ZNF407: variants seen among roughly 807,000 people sequenced by gnomAD.
ZNF407 encodes the protein zinc finger protein 407.
A neutral mutation model predicts 131.2 loss-of-function variants in ZNF407; 17 were observed. That is an observed-to-expected ratio of 0.13 (90% CI 0.09 to 0.19). The LOEUF is 0.19. Ranked by LOEUF, ZNF407 falls within the 10% of genes least tolerant of loss-of-function variation. The pLI is 1.00. For missense variants in ZNF407, 2,681 were observed against 2,830.6 expected, an observed-to-expected ratio of 0.95 and a Z score of 1.20; for synonymous variants, 1,156 against 1,062.0, an observed-to-expected ratio of 1.09 and a Z score of -1.72.
At chr18:74,638,299 C>G (rs76417533) in intron 2 of ZNF407, among the ~76,000 whole-genome samples, 201 of 152,334 alleles carry the variant, frequency 1.3e-3, no homozygotes, top group African/African-American at 4.7e-3. Context: ...ACATTGTTCA[C>G]TGCTTCATCT....
rs554582555 is a variant in ZNF407 at position 74,672,380 on chromosome 18, CTG to C, written c.4802+31260_4802+31261del. ...TGAAATGTGTCTGTTCGTTGGAGCA[CTG>C]TTTGTTCATTGGAGCAGTGTTTGTT... On this transcript the variant is annotated intron_variant, in intron 3 of 8. Coordinates refer to ENST00000299687, the MANE Select transcript of ZNF407 (RefSeq NM_017757.3). 8.5e-5 allele frequency among the ~76,000 whole-genome samples: 13 copies of C among 152,130 alleles called. No homozygotes were observed. The East Asian group carries it at 2.5e-3, about 29-fold the overall frequency.
At chr18:74,721,393 GCAA>G (rs1448886284) in intron 3 of ZNF407, among the ~76,000 whole-genome samples, 4 of 150,794 alleles carry the variant, frequency 2.7e-5, no homozygotes, top group African/African-American at 4.8e-5. Flanking sequence ...TCCTAGGCAG[GCAA>G]CTAGGCAAGA....
chr18:75,063,259 G>T lies in ZNF407; in HGVS notation c.5538G>T (p.Lys1846Asn). Residue 1846 changes from lysine to asparagine, a missense_variant, in exon 9 of 9, where the codon AAG becomes AAT. Transcript: ENST00000299687. This position sits in a 1 kb window ranked among gnomAD's most constrained non-coding sequence, Gnocchi z 6.6. ...CCTTGGCAGAAGAGCCCCTCGTCAA[G>T]GAGAAGCCCCTCAGAAGCAGCAGGA... The part of the protein sequence containing the change: ...AAALAEEPLV[K>N]EKPLRSSRRP... The T allele has an allele frequency of 1.2e-6, 2 of 1,613,664 alleles. No homozygotes were observed. Among genetic ancestry groups the T allele is most frequent in the South Asian group, 2.2e-5 (2 of 91,080 alleles).
chr18:74,965,731 A>G (rs1972401885), intron 8 of ZNF407, among the ~76,000 whole-genome samples: 1 of 152,168 alleles, frequency 6.6e-6, no homozygotes, highest in Non-Finnish European at 1.5e-5. Flanking sequence ...TTCTTGAGGA[A>G]GTTCCAAACT....
At chr18:74,877,801 G>A (rs569218142) in intron 5 of ZNF407, among the ~76,000 whole-genome samples, 7 of 152,244 alleles carry the variant, frequency 4.6e-5, no homozygotes, top group South Asian at 4.1e-4. Context: ...TTTATGTACC[G>A]TTTTAAGAAA....
At chr18:74,950,095 TGCCAGCTGCATACAGC>T (rs1972197011) in intron 8 of ZNF407, among the ~76,000 whole-genome samples, 1 of 152,158 alleles carries the variant, frequency 6.6e-6, no homozygotes, top group Non-Finnish European at 1.5e-5. Context: ...ATCCACTGAA[TGCCAGCTGCATACAGC>T]AGGCAGGAGG....
At chr18:74,829,793 G>A (rs1262431385) in intron 4 of ZNF407, among the ~76,000 whole-genome samples, 4 of 150,982 alleles carry the variant, frequency 2.6e-5, no homozygotes, top group Admixed American at 1.3e-4. Flanking sequence ...GCTAATTCTG[G>A]TCTTTCACCT....
chr18:75,053,901 G>C (rs1361255192), intron 8 of ZNF407, among the ~76,000 whole-genome samples: 2 of 152,224 alleles, frequency 1.3e-5, no homozygotes, highest in African/African-American at 4.8e-5. Context: ...CGCGGTGACA[G>C]CTCCTGAGGC....
chr18:74,900,953 T>G (rs1194358932), intron 7 of ZNF407, among the ~76,000 whole-genome samples: 1 of 152,174 alleles, frequency 6.6e-6, no homozygotes, highest in Non-Finnish European at 1.5e-5. Flanking sequence ...TGTAATTCTC[T>G]TGGAGTGTGT....
chr18:74,859,068 C>T (rs910305810), intron 4 of ZNF407, among the ~76,000 whole-genome samples: 5 of 151,976 alleles, frequency 3.3e-5, no homozygotes, highest in African/African-American at 9.7e-5. Context: ...CCGCAGTGTA[C>T]GGTTATGAAG....
intron 8 of ZNF407, among the ~76,000 whole-genome samples, chr18:75,041,860 G>A (rs1344667923): frequency 6.6e-6 from 1 of 152,120 alleles, no homozygotes; most frequent in Admixed American, 6.5e-5. Flanking sequence ...AAACACCAGC[G>A]ACCGCCTCCG....
intron 3 of ZNF407, among the ~76,000 whole-genome samples, chr18:74,654,556 A>G (rs1985366186): frequency 6.6e-6 from 1 of 151,804 alleles, no homozygotes; most frequent in Admixed American, 6.6e-5. Flanking sequence ...TAGCTACATG[A>G]TTTAAGAATG....
At chr18:74,792,207 A>G (rs1341753395) in intron 4 of ZNF407, among the ~76,000 whole-genome samples, 20 of 152,126 alleles carry the variant, frequency 1.3e-4, no homozygotes, top group South Asian at 2.1e-4. Context: ...AAAACATTCA[A>G]GAGCTTTTTA....
At chr18:74,661,284 G>T (rs1337107806) in intron 3 of ZNF407, among the ~76,000 whole-genome samples, 3 of 151,668 alleles carry the variant, frequency 2.0e-5, no homozygotes, top group Non-Finnish European at 4.4e-5. Context: ...AGTAAATTCT[G>T]TATTGGCACC....
At chr18:74,865,626 G>A (rs1339796066) in intron 4 of ZNF407, among the ~76,000 whole-genome samples, 1 of 152,114 alleles carries the variant, frequency 6.6e-6, no homozygotes, top group African/African-American at 2.4e-5. Flanking sequence ...TTTGTTGCAG[G>A]TATTGAAAAA....
chr18:74,794,108 CACTGAGCTCTGCT>C lies in ZNF407; in HGVS notation c.4877+12607_4877+12619del, dbSNP rs544582663. 2.3e-4 allele frequency among the ~76,000 whole-genome samples: 35 copies of C among 152,358 alleles called. 2 individuals are homozygous for C. In the South Asian group the frequency reaches 7.2e-3, roughly 32 times the overall value. On this transcript the variant is annotated intron_variant, in intron 4 of 8. Transcript: ENST00000299687. ...CCGAAGCCTCTGGTGTTTGGTTTGT[CACTGAGCTCTGCT>C]TCAGGGCTGTTTTCTCTCCGGGTGA...
intron 8 of ZNF407, among the ~76,000 whole-genome samples, chr18:74,986,949 T>C (rs560644985): frequency 1.3e-5 from 2 of 152,358 alleles, no homozygotes; most frequent in East Asian, 3.8e-4. Context: ...TGTATGTTCA[T>C]ATAGGATATT....
intron 8 of ZNF407, among the ~76,000 whole-genome samples, chr18:74,976,518 G>A (rs545196801): frequency 6.6e-6 from 1 of 152,232 alleles, no homozygotes; most frequent in East Asian, 1.9e-4. Context: ...TGTCAGTTAG[G>A]GCAATTGGCA....
At chr18:74,619,612 C>G (rs1983437480) in intron 1 of ZNF407, among the ~76,000 whole-genome samples, 1 of 152,100 alleles carries the variant, frequency 6.6e-6, no homozygotes, top group Non-Finnish European at 1.5e-5. Flanking sequence ...AGGAGGGGCT[C>G]TATCACATGT....
Sources: gnomAD v4.1 joint callset for allele counts (sites outside exome capture counted in the v4.1 genomes callset) on GRCh38, gnomAD v4.1.1 for gene constraint, Gnocchi (gnomAD v3.1) non-coding constraint, MANE v1.5 for transcripts, NCBI Gene and HGNC (gene_info 2026-07-23, HGNC 2026-07-21) for gene names.